The following PCDHA2 variants were observed in gnomAD, a reference collection of about 807,000 sequenced individuals.
PCDHA2 encodes protocadherin alpha 2.
A neutral mutation model predicts 66.0 loss-of-function variants in PCDHA2; 58 were observed. The observed-to-expected ratio is 0.88, with a 90% CI of 0.71 to 1.09. PCDHA2 has a LOEUF of 1.09. PCDHA2 is among the 50% of genes least tolerant of loss of function. The pLI, the probability that PCDHA2 is intolerant of heterozygous loss-of-function variation, is 0.00. For synonymous variants in PCDHA2, 634 were observed against 554.0 expected, an observed-to-expected ratio of 1.14 and a Z score of -2.03; for missense variants, 1,267 against 1,242.3, an observed-to-expected ratio of 1.02 and a Z score of -0.30.
chr5:140,808,215 A>G (rs1307561739), intron 1 of PCDHA2: 2 of 1,614,142 alleles, frequency 1.2e-6, no homozygotes, highest in East Asian at 4.5e-5. Context: ...GTAGAAGACA[A>G]CAACGATAAT....
rs782304851 is a variant in PCDHA2 at position 140,856,941 on chromosome 5, C to T, written c.2388+59589C>T. ...AGGAAATTTTGGATAAACGAAAGGA[C>T]GGGAGAAATAAAAGTAAATGATGCT... On this transcript the variant is annotated intron_variant, in intron 1 of 3. Coordinates refer to ENST00000526136, the MANE Select transcript of PCDHA2 (RefSeq NM_018905.3). The T allele has an allele frequency of 1.9e-6, 3 of 1,592,588 alleles. No homozygotes were observed. Among genetic ancestry groups the T allele is most frequent in the Admixed American group, 3.4e-5 (2 of 59,186 alleles).
At chr5:140,924,907 A>AT (rs1242980267) in intron 1 of PCDHA2, among the ~76,000 whole-genome samples, 3,369 of 50,932 alleles carry the variant, frequency 0.066, 44 homozygotes, top group African/African-American at 0.099. Context: ...AAAAAAAAAT[A>AT]AAATAAAATA....
At chr5:140,999,858 C>G (rs1563644401) in intron 3 of PCDHA2, among the ~76,000 whole-genome samples, 3 of 152,170 alleles carry the variant, frequency 2.0e-5, no homozygotes. Context: ...CTCTTCCGCT[C>G]CAAGATTACT....
At chr5:140,829,294 C>T (rs2150165433) in intron 1 of PCDHA2, 1 of 1,614,256 alleles carries the variant, frequency 6.2e-7, no homozygotes, top group South Asian at 1.1e-5. Flanking sequence ...TGTCCACCTT[C>T]AAGAATTACT....
chr5:140,836,344 A>T, intron 1 of PCDHA2: 1 of 1,613,666 alleles, frequency 6.2e-7, no homozygotes, highest in Non-Finnish European at 8.5e-7. Context: ...GTGAAGGACC[A>T]CGGGGAGCCC....
chr5:140,827,449 C>A (rs1404981658), intron 1 of PCDHA2, among the ~76,000 whole-genome samples: 4 of 152,146 alleles, frequency 2.6e-5, no homozygotes, highest in African/African-American at 9.7e-5. Flanking sequence ...CACAGAAGAA[C>A]CTTAAGAGCA....
chr5:140,803,846 C>A (rs559372667), intron 1 of PCDHA2: 7 of 598,242 alleles, frequency 1.2e-5, no homozygotes, highest in African/African-American at 9.3e-5. Context: ...TATTTTATTG[C>A]TAAATGCCTG....
At chr5:140,841,233 G>A (rs1777106384) in intron 1 of PCDHA2, 2 of 1,469,626 alleles carry the variant, frequency 1.4e-6, no homozygotes, top group Admixed American at 2.3e-5. Flanking sequence ...AACGGGAGAT[G>A]CAGCGGAATT....
chr5:140,951,220 C>G (rs1554219798), intron 1 of PCDHA2, among the ~76,000 whole-genome samples: 1 of 151,926 alleles, frequency 6.6e-6, no homozygotes, highest in Non-Finnish European at 1.5e-5. Context: ...GGTTTGGATT[C>G]TTGATGGTCT....
chr5:140,849,637 C>A lies in PCDHA2; in HGVS notation c.2388+52285C>A, dbSNP rs1581190048. ...AGTGTGATCGACCTAGACGCAGATG[C>A]CAACGGGCAGGTTACCTGCTCCCTG... On this transcript the variant is annotated intron_variant, in intron 1 of 3. Coordinates refer to ENST00000526136, the MANE Select transcript of PCDHA2 (RefSeq NM_018905.3). 4 of 1,598,688 alleles carry A rather than the reference C, an allele frequency of 2.5e-6. No homozygotes were observed. In the East Asian group the frequency reaches 8.9e-5, roughly 36 times the overall value.
chr5:140,857,728 C>G, intron 1 of PCDHA2: 1 of 1,597,418 alleles, frequency 6.3e-7, no homozygotes, highest in Non-Finnish European at 8.6e-7. Context: ...AGAACGACAA[C>G]GCTCCCGCGC....
At chr5:140,971,510 A>G (rs1166115283) in intron 1 of PCDHA2, among the ~76,000 whole-genome samples, 3 of 152,152 alleles carry the variant, frequency 2.0e-5, no homozygotes, top group Non-Finnish European at 2.9e-5. Flanking sequence ...TAGGAGCAAA[A>G]GCCACTCAGT....
intron 1 of PCDHA2, chr5:140,829,556 C>G: frequency 6.2e-7 from 1 of 1,612,808 alleles, no homozygotes; most frequent in Middle Eastern, 1.9e-4. Flanking sequence ...GGAGAACGCG[C>G]TGGTGTCCTA....
Position 140,881,767 on chromosome 5 carries a change from C to T in PCDHA2, c.2388+84415C>T, listed in dbSNP as rs923432967. Among the ~76,000 whole-genome samples, 13 of 152,322 alleles carry T rather than the reference C, an allele frequency of 8.5e-5. No homozygotes were observed. In the East Asian group the frequency reaches 2.1e-3, roughly 25 times the overall value. On this transcript the variant is annotated intron_variant, in intron 1 of 3. Coordinates refer to ENST00000526136, the MANE Select transcript of PCDHA2 (RefSeq NM_018905.3). ...GACAGTACCACAAAAACCTACATGA[C>T]TATGCAGAACTACCGATCAATTGTC...
chr5:140,851,638 T>A (rs2042116024), intron 1 of PCDHA2: 2 of 915,858 alleles, frequency 2.2e-6, no homozygotes, highest in Non-Finnish European at 2.7e-6. Context: ...AAGTGTTTCC[T>A]TTCTTCAAGA....
intron 1 of PCDHA2, chr5:140,810,358 G>A (rs190752805): frequency 6.6e-6 from 1 of 152,312 alleles, no homozygotes; most frequent in African/African-American, 2.4e-5. Context: ...TAAGAGTTGT[G>A]TTTGTGGGTC....
At chr5:140,809,878 C>A in intron 1 of PCDHA2, 1 of 246,876 alleles carries the variant, frequency 4.1e-6, no homozygotes, top group Non-Finnish European at 7.7e-6. Context: ...TATTATTTAA[C>A]CTATTACATA....
chr5:140,808,870 C>T (rs1463277099), intron 1 of PCDHA2: 11 of 1,613,180 alleles, frequency 6.8e-6, no homozygotes, highest in Non-Finnish European at 9.3e-6. Flanking sequence ...AAAACGACAA[C>T]GCGCCAGCAC....
chr5:140,795,749 T>C lies in PCDHA2; in HGVS notation c.785T>C (p.Val262Ala), dbSNP rs1282542350. Residue 262 changes from valine to alanine, a missense_variant, in exon 1 of 4, where the codon GTT becomes GCT. Transcript: ENST00000526136. ...LENTANGTLV[V>A]KLNASDADEG... ...AATACGGCAAATGGGACCTTAGTGG[T>C]TAAGTTAAACGCTTCTGATGCAGAT... The C allele has an allele frequency of 1.2e-6, 2 of 1,614,086 alleles. No individual in the cohort carries two copies. The highest frequency in any genetic ancestry group is 2.7e-5 in the African/African-American group (2 of 75,046).
Sources: gnomAD v4.1 joint callset for allele counts (sites outside exome capture counted in the v4.1 genomes callset) on GRCh38, gnomAD v4.1.1 for gene constraint, MANE v1.5 for transcripts, NCBI Gene and HGNC (gene_info 2026-07-23, HGNC 2026-07-21) for gene names.